The following RPAP3 variants were observed in gnomAD, a reference collection of about 807,000 sequenced individuals.
RPAP3 encodes RNA polymerase II associated protein 3.
A neutral mutation model predicts 88.8 loss-of-function variants in RPAP3; 58 were observed. The ratio of observed to expected loss-of-function variants is 0.65; its 90% CI spans 0.53 to 0.81. The LOEUF (loss-of-function observed/expected upper bound fraction) is 0.81, where lower values mean the gene tolerates loss of function less well. Ranked by LOEUF, RPAP3 falls within the 40% of genes least tolerant of loss-of-function variation. The pLI is 0.00. For synonymous variants in RPAP3, 255 were observed against 259.9 expected, an observed-to-expected ratio of 0.98 and a Z score of 0.18; for missense variants, 751 against 764.3, an observed-to-expected ratio of 0.98 and a Z score of 0.20.
In RPAP3 at chr12:47,701,376, C is replaced by T. The variant is rs1939649970; in HGVS notation, c.294+88G>A. The T allele has an allele frequency of 3.2e-6, 3 of 927,292 alleles. No homozygotes were observed. The East Asian group carries it at 8.1e-5, about 25-fold the overall frequency. 57.4% of individuals were successfully genotyped at this position (927,292 alleles called of 1,614,324 possible). On this transcript the variant is annotated intron_variant, in intron 3 of 16. Coordinates refer to ENST00000005386, the MANE Select transcript of RPAP3 (RefSeq NM_024604.3). ...GAGAAAAACACAGGCCATAACTCTA[C>T]ATTATTTTTCACTTAACCCATGATT...
At chr12:47,667,651 T>A (rs1009510959) in intron 15 of RPAP3, 103 bp downstream of exon 15, 1 of 623,512 alleles carries the variant, frequency 1.6e-6, no homozygotes, top group South Asian at 2.4e-5. Context: ...ACAAGACTTA[T>A]GTTCCTATGT....
chr12:47,670,104 C>T lies in RPAP3; in HGVS notation c.1526+3G>A. 1 of 1,525,262 alleles carries T rather than the reference C, an allele frequency of 6.6e-7. No individual in the cohort carries two copies. Among genetic ancestry groups the T allele is most frequent in the Non-Finnish European group, 9.1e-7 (1 of 1,099,226 alleles). 94.5% of individuals were successfully genotyped at this position (1,525,262 alleles called of 1,614,324 possible). A position where few individuals can be genotyped will look rare whatever the true frequency, so the allele number is the denominator to read the frequency against. ...ATCAGCAAATAACAGTATTTCTACT[C>T]ACTGCAGGGATGAAGTATCACTGAC... On this transcript the variant is annotated splice_donor_region_variant and intron_variant, in intron 13 of 16. Transcript: ENST00000005386.
intron 9 of RPAP3, among the ~76,000 whole-genome samples, chr12:47,682,188 C>T (rs990585478): frequency 3.3e-5 from 5 of 152,092 alleles, no homozygotes; most frequent in Admixed American, 3.3e-4. Context: ...TCTAATAAAA[C>T]TTTATTAACA....
Position 47,662,753 on chromosome 12 carries a change from T to A in RPAP3, c.*752A>T, listed in dbSNP as rs997928837. ...ATGCAGAGTACAGGGATGAGCAGAG[T>A]TCTAGCCCTACTTTCAAAAGTTTAC... On this transcript the variant is annotated 3_prime_UTR_variant, in exon 17 of 17. Transcript: ENST00000005386. 3 of 152,222 alleles carry A rather than the reference T, an allele frequency of 2.0e-5. No homozygotes were observed. The highest frequency in any genetic ancestry group is 2.0e-4 in the Admixed American group (3 of 15,284). 9.4% of individuals were successfully genotyped at this position (152,222 alleles called of 1,614,324 possible). A position where few individuals can be genotyped will look rare whatever the true frequency, so the allele number is the denominator to read the frequency against.
intron 5 of RPAP3, among the ~76,000 whole-genome samples, chr12:47,691,171 A>C (rs1271836395): frequency 1.3e-5 from 2 of 152,174 alleles, no homozygotes. Context: ...CAATCCTCTC[A>C]AACTCTGCCA....
intron 1 of RPAP3, among the ~76,000 whole-genome samples, chr12:47,704,824 C>A (rs1049193130): frequency 6.6e-6 from 1 of 151,818 alleles, no homozygotes; most frequent in African/African-American, 2.4e-5. Context: ...TCAGCCTGGG[C>A]AACACTTCGA....
intron 8 of RPAP3, 136 bp downstream of exon 8, chr12:47,687,740 T>G: frequency 1.0e-6 from 1 of 970,380 alleles, no homozygotes; most frequent in Non-Finnish European, 1.5e-6. Flanking sequence ...TCCCAGAGGC[T>G]TTAGTGCATT....
At chr12:47,690,425 T>C in intron 6 of RPAP3, 93 bp downstream of exon 6, 1 of 1,043,450 alleles carries the variant, frequency 9.6e-7, no homozygotes, top group Non-Finnish European at 1.3e-6. Flanking sequence ...GAAAGCTCTC[T>C]GAAGGTAGTA....
intron 12 of RPAP3, among the ~76,000 whole-genome samples, chr12:47,678,354 C>G (rs1220948249): frequency 6.6e-6 from 1 of 152,158 alleles, no homozygotes; most frequent in Non-Finnish European, 1.5e-5. Flanking sequence ...GACTTCATGA[C>G]TAAAACAACA....
intron 12 of RPAP3, among the ~76,000 whole-genome samples, chr12:47,673,444 C>CAAAAAAAAA (rs35080899): frequency 1.6e-5 from 1 of 60,788 alleles, no homozygotes; most frequent in Non-Finnish European, 3.7e-5. Context: ...AACTCCGTCT[C>CAAAAAAAAA]AAAAAAAAAA....
At position 47,687,952 on chromosome 12, in the gene RPAP3, A is replaced by G. The variant is rs755792667; in HGVS notation, c.788T>C (p.Ile263Thr). The change falls in exon 8 of 17, where the codon ATT becomes ACT. Residue 263 changes from isoleucine (I) to threonine (T), a missense_variant. Coordinates refer to ENST00000005386, the MANE Select transcript of RPAP3 (RefSeq NM_024604.3). ...NSYPKEADIVIKSTEGERKQI... is the reference protein window; with the variant it reads ...NSYPKEADIVTKSTEGERKQI... ...CTTTCGCTCTCCTTCTGTTGACTTA[A>G]TCACTATGTCAGCTTCCTTTGGATA... 1.2e-6 allele frequency: 2 copies of G among 1,613,494 alleles called. No homozygotes were observed. The highest frequency in any genetic ancestry group is 3.3e-5 in the Admixed American group (2 of 59,980).
At chr12:47,688,257 A>G (rs984416068) in intron 7 of RPAP3, among the ~76,000 whole-genome samples, 1 of 152,098 alleles carries the variant, frequency 6.6e-6, no homozygotes, top group African/African-American at 2.4e-5. Flanking sequence ...GTTTTGACTT[A>G]TAAGTGGGAG....
In RPAP3 at chr12:47,663,593, G is replaced by A; in HGVS notation, c.1913-3C>T. 6.8e-7 allele frequency: 1 copy of A among 1,478,050 alleles called. No individual in the cohort carries two copies. Among genetic ancestry groups the A allele is most frequent in the Non-Finnish European group, 9.1e-7 (1 of 1,095,114 alleles). 91.6% of individuals were successfully genotyped at this position (1,478,050 alleles called of 1,614,324 possible). On this transcript the variant is annotated splice_polypyrimidine_tract_variant and splice_region_variant and intron_variant, in intron 16 of 16. Transcript: ENST00000005386. ...GTGATTAAATAATGCACGTGCAACT[G>A]AAAAAGAAAAAGAAATTCTCCATTT...
intron 4 of RPAP3, 83 bp from the exon 5 acceptor site, chr12:47,696,486 G>A (rs551379222): frequency 2.2e-4 from 197 of 880,410 alleles, no homozygotes; most frequent in Non-Finnish European, 3.1e-4. Context: ...CAGGTTTGAA[G>A]TGCATGGGTC....
chr12:47,663,371 T>C lies in RPAP3; in HGVS notation c.*134A>G. On this transcript the variant is annotated 3_prime_UTR_variant, in exon 17 of 17. Transcript: ENST00000005386. ...TCACTAGTTAAATCACAATTCACCT[T>C]ATAGTTAATTAACTTATGTTCAAAG... is the stretch of plus-strand genomic sequence containing the variant. The C allele has an allele frequency of 1.7e-6, 1 of 594,708 alleles. No individual in the cohort carries two copies. The highest frequency in any genetic ancestry group is 2.9e-6 in the Non-Finnish European group (1 of 341,802). The allele number at this position is 594,708 out of a possible 1,614,324, so 36.8% of individuals were successfully genotyped here.
At chr12:47,681,609 G>C in intron 10 of RPAP3, 87 bp downstream of exon 10, 1 of 1,378,954 alleles carries the variant, frequency 7.3e-7, no homozygotes, top group Non-Finnish European at 1.0e-6. Context: ...CAGTATCTTT[G>C]AACCATGGGT....
chr12:47,684,795 T>C (rs745503563), intron 9 of RPAP3, among the ~76,000 whole-genome samples: 7 of 152,214 alleles, frequency 4.6e-5, no homozygotes, highest in Non-Finnish European at 1.0e-4. Context: ...AATTCTTCGA[T>C]AGCAAAAATC....
rs370917242 is a variant in RPAP3 at position 47,678,564 on chromosome 12, C to T, written c.1287+929G>A. 4.0e-4 allele frequency among the ~76,000 whole-genome samples: 61 copies of T among 152,212 alleles called. 1 individual carries two copies. In the South Asian group the frequency reaches 0.012, roughly 30 times the overall value. ...AACAAATTTACAAGAAAAAAACAAA[C>T]AACCCCATCAAAAAGTGGGCAAAGG... is the stretch of plus-strand genomic sequence containing the variant. On this transcript the variant is annotated intron_variant, in intron 12 of 16. Coordinates refer to ENST00000005386, the MANE Select transcript of RPAP3 (RefSeq NM_024604.3).
rs760989933 is a variant in RPAP3, at chr12:47,679,438, TCTC to T, written c.1287+52_1287+54del. 383 of 1,161,076 alleles carry T rather than the reference TCTC, an allele frequency of 3.3e-4. 3 individuals are homozygous for T. The highest frequency in any genetic ancestry group is 1.5e-4 in the Non-Finnish European group (123 of 798,924). The allele number at this position is 1,161,076 out of a possible 1,614,324, so 71.9% of individuals were successfully genotyped here. On this transcript the variant is annotated intron_variant, in intron 12 of 16. Transcript: ENST00000005386. ...ATTAATACAATAGTTGGTTTCCAAT[TCTC>T]CTATTACAACATATTTAAATGGCAA...
Sources: gnomAD v4.1 joint callset for allele counts (sites outside exome capture counted in the v4.1 genomes callset) on GRCh38, gnomAD v4.1.1 for gene constraint, MANE v1.5 for transcripts, NCBI Gene and HGNC (gene_info 2026-07-23, HGNC 2026-07-21) for gene names.